ZNF516: variants seen among roughly 807,000 people sequenced by gnomAD.
The protein encoded by ZNF516 is zinc finger protein 516.
In ZNF516, 19 loss-of-function variants were observed where a neutral mutation model predicts 79.7. The observed-to-expected ratio is 0.24, with a 90% CI of 0.17 to 0.35. The LOEUF is 0.35. ZNF516 is among the 10% of genes least tolerant of loss of function. ZNF516 has a pLI of 1.00. For synonymous variants in ZNF516, 877 were observed against 739.5 expected (o/e 1.19, Z -3.02); for missense variants, 1,678 against 1,679.5 (o/e 1.00, Z 0.02).
chr18:76,414,428 G>A (rs183040106), intron 3 of ZNF516, among the ~76,000 whole-genome samples: 8 of 152,314 alleles, frequency 5.3e-5, no homozygotes, highest in Non-Finnish European at 7.3e-5. Flanking sequence ...GCTGATCACA[G>A]AACAAATGCC....
intron 6 of ZNF516, among the ~76,000 whole-genome samples, chr18:76,363,887 C>T (rs1338598190): frequency 6.6e-6 from 1 of 152,216 alleles, no homozygotes; most frequent in African/African-American, 2.4e-5. Context: ...ACATAGACGT[C>T]AGGGACCGTA....
intron 1 of ZNF516, among the ~76,000 whole-genome samples, chr18:76,474,217 AACAG>A (rs1914047979): frequency 1.3e-5 from 2 of 152,366 alleles, no homozygotes; most frequent in East Asian, 1.9e-4. Context: ...AGTAGTAAGA[AACAG>A]ACAGCTTGAA....
intron 3 of ZNF516, among the ~76,000 whole-genome samples, chr18:76,413,053 G>C (rs2075390588): frequency 6.6e-6 from 1 of 152,224 alleles, no homozygotes; most frequent in Non-Finnish European, 1.5e-5. Flanking sequence ...CTGAAACCAA[G>C]GCCTCTGTGA....
intron 3 of ZNF516, among the ~76,000 whole-genome samples, chr18:76,425,283 C>T (rs1198913998): frequency 1.3e-5 from 2 of 152,188 alleles, no homozygotes; most frequent in Admixed American, 6.5e-5. Flanking sequence ...ACTAATACGC[C>T]AGTAATTCTT....
Position 76,379,865 on chromosome 18 carries a change from G to C in ZNF516, c.2249C>G (p.Ala750Gly). 1.2e-6 allele frequency: 2 copies of C among 1,613,912 alleles called. No homozygotes were observed. Among genetic ancestry groups the C allele is most frequent in the African/African-American group, 1.3e-5 (1 of 75,040 alleles). ...GACTAAAGCCGCCTGCAGGGAGGAG[G>C]CCGTCTCCTTATTGCTGGGGTCATC... ...TRDDPSNKET[A>G]SSLQAALVVH... Residue 750 changes from alanine to glycine, a missense_variant, in exon 4 of 7, where the codon GCC (alanine) becomes GGC (glycine). Coordinates refer to ENST00000443185, the MANE Select transcript of ZNF516 (RefSeq NM_014643.4).
rs2075373522 is a variant in ZNF516 at position 76,411,666 on chromosome 18, C to T, written c.1810+29579G>A. Among the ~76,000 whole-genome samples, 6 of 152,306 alleles carry T rather than the reference C, an allele frequency of 3.9e-5. 1 individual carries two copies. In the South Asian group the frequency reaches 8.3e-4, roughly 21 times the overall value. ...ACACAAAAGCCCAAAGCATCAAACTCAACAAGTCCTAAAATTACCGCTTGA... is the reference window on the plus strand; with the variant it reads ...ACACAAAAGCCCAAAGCATCAAACTTAACAAGTCCTAAAATTACCGCTTGA... On this transcript the variant is annotated intron_variant, in intron 3 of 6. Coordinates refer to ENST00000443185, the MANE Select transcript of ZNF516 (RefSeq NM_014643.4).
chr18:76,370,584 A>C lies in ZNF516; in HGVS notation c.3376T>G (p.Ser1126Ala), dbSNP rs138917368. 3.9e-4 allele frequency: 619 copies of C among 1,603,636 alleles called. 2 individuals carry two copies. The African/African-American group carries it at 7.5e-3, about 19-fold the overall frequency. Residue 1126 changes from serine to alanine, a missense_variant, in exon 6 of 7, where the codon TCC becomes GCC. Physicochemically the swap from Ser to Ala is moderately conservative, Grantham distance 99 (BLOSUM62 1). This residue lies in a region of ZNF516 where 1,294 missense variants were observed against 1,248.3 expected (regional missense o/e 1.04). Transcript: ENST00000443185. Reference protein sequence around the residue: ...HMRAHSVVFESDGPRGSEVHT... With the variant: ...HMRAHSVVFEADGPRGSEVHT... ...ACTTCAGAACCCCGAGGCCCATCGGACTCAAACACCACTGTGGGAACAAGG... is the reference window on the plus strand; with the variant it reads ...ACTTCAGAACCCCGAGGCCCATCGGCCTCAAACACCACTGTGGGAACAAGG...
chr18:76,496,181 G>T (rs898479696), upstream of ZNF516: 1,527 of 1,072,194 alleles, frequency 1.4e-3, 2 homozygotes, highest in Non-Finnish European at 1.7e-3. Flanking sequence ...GGGGAGGGGC[G>T]GGTCGGAGCT....
At chr18:76,370,331 C>T (rs553153811) in intron 6 of ZNF516, among the ~76,000 whole-genome samples, 197 bp downstream of exon 6, 8 of 152,302 alleles carry the variant, frequency 5.3e-5, no homozygotes, top group Admixed American at 1.3e-4. Flanking sequence ...CTGCACCACC[C>T]GGCTGGGAGG....
At chr18:76,496,384 C>T, upstream of ZNF516, 2 of 1,289,748 alleles carry the variant, frequency 1.6e-6, no homozygotes, top group Non-Finnish European at 2.0e-6. Flanking sequence ...GCGCTGCAAT[C>T]CTGGCGGTTA....
Position 76,447,819 on chromosome 18 carries a change from G to C in ZNF516, c.-157-4608C>G, listed in dbSNP as rs1568302869. The stretch of plus-strand genomic sequence containing the variant: ...ACAAAACCGTAATTTAATTGTTTAG[G>C]CATAAATATGACTTGCTGACTAGGG... On this transcript the variant is annotated intron_variant, in intron 2 of 6. Transcript: ENST00000443185. 2.0e-5 allele frequency among the ~76,000 whole-genome samples: 3 copies of C among 152,158 alleles called. No homozygotes were observed. The South Asian group carries it at 6.2e-4, about 31-fold the overall frequency.
At chr18:76,479,094 T>G (rs1388326551) in intron 1 of ZNF516, among the ~76,000 whole-genome samples, 1 of 152,070 alleles carries the variant, frequency 6.6e-6, no homozygotes, top group Non-Finnish European at 1.5e-5. Context: ...GAAAACCTTT[T>G]TGTTCCTTCT....
At chr18:76,436,487 T>C (rs1287486831) in intron 3 of ZNF516, among the ~76,000 whole-genome samples, 1 of 152,170 alleles carries the variant, frequency 6.6e-6, no homozygotes, top group East Asian at 1.9e-4. Flanking sequence ...AACCCATGAC[T>C]TGGCTTCAGA....
chr18:76,490,696 G>T (rs1478455586), intron 1 of ZNF516: 2 of 884,624 alleles, frequency 2.3e-6, no homozygotes, highest in Non-Finnish European at 2.7e-6. Flanking sequence ...ATCAAGATTC[G>T]AAACTGCATG....
rs71361202 is a variant in ZNF516 at position 76,452,284 on chromosome 18, C to T, written c.-157-9073G>A. ...TTTATTCTAGAGGTAAGTCTCCAGC[C>T]GGCTTTGTTCAGAAAACGAGGTAGA... On this transcript the variant is annotated intron_variant, in intron 2 of 6. Coordinates refer to ENST00000443185, the MANE Select transcript of ZNF516 (RefSeq NM_014643.4). 3.9e-3 allele frequency among the ~76,000 whole-genome samples: 599 copies of T among 152,278 alleles called. 1 individual carries two copies. The highest frequency in any genetic ancestry group is 6.9e-3 in the Non-Finnish European group (467 of 68,030).
chr18:76,447,682 C>T (rs534995368), intron 2 of ZNF516, among the ~76,000 whole-genome samples: 113 of 152,304 alleles, frequency 7.4e-4, no homozygotes, highest in Non-Finnish European at 1.4e-3. Flanking sequence ...GCACCTCGGA[C>T]GGCAGGGACC....
chr18:76,406,014 A>G (rs2075300005), intron 3 of ZNF516, among the ~76,000 whole-genome samples: 1 of 152,112 alleles, frequency 6.6e-6, no homozygotes, highest in African/African-American at 2.4e-5. Context: ...TCCACACGGG[A>G]GGCGTGCTCA....
chr18:76,436,367 G>A (rs558289986), intron 3 of ZNF516, among the ~76,000 whole-genome samples: 3 of 152,154 alleles, frequency 2.0e-5, no homozygotes, highest in East Asian at 3.9e-4. Context: ...CTTGATGAAC[G>A]CACTTCACTC....
intron 1 of ZNF516, among the ~76,000 whole-genome samples, chr18:76,480,001 C>A (rs1231935326): frequency 6.6e-6 from 1 of 152,134 alleles, no homozygotes; most frequent in Non-Finnish European, 1.5e-5. Flanking sequence ...AACAGAGGAA[C>A]CTGCCTGGAG....
Sources: allele counts gnomAD v4.1 joint callset (sites outside exome capture counted in the v4.1 genomes callset), GRCh38; gene constraint gnomAD v4.1.1; regional missense constraint gnomAD v4.1.1; transcripts MANE v1.5; gene names NCBI Gene and HGNC (gene_info 2026-07-23, HGNC 2026-07-21).